AUH: variants seen among roughly 807,000 people sequenced by gnomAD.
AUH encodes methylglutaconyl-CoA hydratase, mitochondrial.
In AUH, 29 loss-of-function variants were observed where a neutral mutation model predicts 42.3. That is an observed-to-expected ratio of 0.69 (90% CI 0.51 to 0.93). The LOEUF (loss-of-function observed/expected upper bound fraction) is 0.93. Ranked by LOEUF, AUH falls within the 40% of genes least tolerant of loss-of-function variation. AUH has a pLI of 0.00. For synonymous variants in AUH, 174 were observed against 166.4 expected (o/e 1.05, Z -0.35); for missense variants, 452 against 438.1 (o/e 1.03, Z -0.28).
intron 6 of AUH, among the ~76,000 whole-genome samples, chr9:91,247,017 C>G (rs1360814688): frequency 1.3e-5 from 2 of 152,220 alleles, no homozygotes; most frequent in African/African-American, 4.8e-5. Context: ...GCTGAGTCTT[C>G]TGTTACCTGC....
intron 3 of AUH, among the ~76,000 whole-genome samples, chr9:91,338,307 T>C (rs1268954631): frequency 6.6e-6 from 1 of 152,210 alleles, no homozygotes; most frequent in Non-Finnish European, 1.5e-5. Context: ...TAGGATCAGA[T>C]TAGTTTCATC....
intron 4 of AUH, among the ~76,000 whole-genome samples, chr9:91,305,081 AAAC>A (rs1271702006): frequency 5.3e-5 from 8 of 152,334 alleles, no homozygotes; most frequent in African/African-American, 1.9e-4. Flanking sequence ...AGCATCTTTA[AAAC>A]AACATGATAG....
At chr9:91,351,843 T>C (rs186904669) in intron 3 of AUH, among the ~76,000 whole-genome samples, 30 of 152,298 alleles carry the variant, frequency 2.0e-4, no homozygotes, top group African/African-American at 6.7e-4. Flanking sequence ...CCTACATAAA[T>C]AGGATATATG....
chr9:91,255,176 G>A (rs1227840539), intron 6 of AUH, among the ~76,000 whole-genome samples: 1 of 152,152 alleles, frequency 6.6e-6, no homozygotes, highest in African/African-American at 2.4e-5. Context: ...ATTAGTATCA[G>A]AGCAAACTAG....
intron 4 of AUH, among the ~76,000 whole-genome samples, chr9:91,302,813 T>C (rs1429529421): frequency 6.6e-6 from 1 of 152,116 alleles, no homozygotes; most frequent in East Asian, 1.9e-4. Flanking sequence ...AGGAACTCAA[T>C]AAAATACACC....
intron 4 of AUH, among the ~76,000 whole-genome samples, chr9:91,322,001 T>C (rs918019113): frequency 7.9e-5 from 12 of 152,202 alleles, no homozygotes; most frequent in Admixed American, 5.2e-4. Flanking sequence ...ATGAGTGGAT[T>C]CTATTAAGAT....
chr9:91,288,809 A>G (rs1826628357), intron 6 of AUH, among the ~76,000 whole-genome samples: 1 of 152,178 alleles, frequency 6.6e-6, no homozygotes, highest in Non-Finnish European at 1.5e-5. Flanking sequence ...TAAAAACTAA[A>G]ATTGAGCCTT....
At chr9:91,282,525 T>C (rs1263863597) in intron 6 of AUH, among the ~76,000 whole-genome samples, 1 of 152,122 alleles carries the variant, frequency 6.6e-6, no homozygotes. Flanking sequence ...TGAGTAAACA[T>C]GCCTGGAAAA....
At chr9:91,240,777 G>A (rs1828468970) in intron 6 of AUH, among the ~76,000 whole-genome samples, 2 of 151,234 alleles carry the variant, frequency 1.3e-5, no homozygotes, top group Admixed American at 6.6e-5. Context: ...GGGCCCTTTA[G>A]CCTCCCATGA....
chr9:91,360,949 T>C (rs543538429), intron 1 of AUH, among the ~76,000 whole-genome samples: 71 of 152,320 alleles, frequency 4.7e-4, no homozygotes, highest in Non-Finnish European at 9.1e-4. Context: ...GTAACAGTAT[T>C]CCCTAGGATT....
chr9:91,238,351 C>T (rs555364594), intron 6 of AUH, among the ~76,000 whole-genome samples: 305 of 152,276 alleles, frequency 2.0e-3, no homozygotes, highest in African/African-American at 7.0e-3. Context: ...GGGAGTGCTC[C>T]ATTTTCAAAG....
At chr9:91,333,882 T>A (rs188815484) in intron 3 of AUH, among the ~76,000 whole-genome samples, 1 of 152,330 alleles carries the variant, frequency 6.6e-6, no homozygotes, top group East Asian at 1.9e-4. Flanking sequence ...TTTTGGCAAT[T>A]CATAGGCTTT....
At chr9:91,216,654 T>C (rs889897034) in intron 8 of AUH, among the ~76,000 whole-genome samples, 1 of 152,212 alleles carries the variant, frequency 6.6e-6, no homozygotes, top group African/African-American at 2.4e-5. Context: ...CGGAGGTTCC[T>C]TAGTCTACCA....
At chr9:91,339,355 T>A (rs1350827441) in intron 3 of AUH, among the ~76,000 whole-genome samples, 2 of 152,180 alleles carry the variant, frequency 1.3e-5, no homozygotes, top group Non-Finnish European at 2.9e-5. Flanking sequence ...AAGCTCTGGA[T>A]AAAAGGTATG....
rs953710821 is a variant in AUH, at chr9:91,271,156, T to G, written c.655+24865A>C. Among the ~76,000 whole-genome samples, 14 of 152,238 alleles carry G rather than the reference T, an allele frequency of 9.2e-5. No homozygotes were observed. In the East Asian group the frequency reaches 2.5e-3, roughly 27 times the overall value. ...CATATAGATGTACTCAGGAGTTAGC[T>G]AAAAGGACATTTGTTTGTTTGCTAG... On this transcript the variant is annotated intron_variant, in intron 6 of 9. Transcript: ENST00000375731.
intron 6 of AUH, among the ~76,000 whole-genome samples, chr9:91,243,883 ACT>A (rs1231767411): frequency 1.3e-5 from 2 of 152,184 alleles, no homozygotes; most frequent in African/African-American, 2.4e-5. Context: ...ATCATCAAAC[ACT>A]CTGTAAAAGG....
At chr9:91,234,316 T>C (rs996454897) in intron 6 of AUH, among the ~76,000 whole-genome samples, 6 of 152,154 alleles carry the variant, frequency 3.9e-5, no homozygotes, top group Non-Finnish European at 7.4e-5. Flanking sequence ...ATGGGCAACC[T>C]CATGGCATGG....
intron 7 of AUH, chr9:91,219,104 G>C (rs549830483): frequency 2.8e-4 from 256 of 909,244 alleles, no homozygotes; most frequent in Non-Finnish European, 3.2e-4. Flanking sequence ...TGGAAGGAGG[G>C]AGCAGAGGAG....
chr9:91,328,095 T>C (rs1366337931), intron 3 of AUH, among the ~76,000 whole-genome samples: 1 of 152,156 alleles, frequency 6.6e-6, no homozygotes, highest in Admixed American at 6.5e-5. Context: ...GCTGGCAAAG[T>C]GGCACTGAAG....
Sources: gnomAD v4.1 joint callset for allele counts (sites outside exome capture counted in the v4.1 genomes callset) on GRCh38, gnomAD v4.1.1 for gene constraint, MANE v1.5 for transcripts, NCBI Gene and HGNC (gene_info 2026-07-23, HGNC 2026-07-21) for gene names.